Variants in SGCB observed in about 807,000 individuals in gnomAD.
SGCB encodes beta-sarcoglycan.
In SGCB, 25 loss-of-function variants were observed where a neutral mutation model predicts 27.3. The ratio of observed to expected loss-of-function variants is 0.92; its 90% CI spans 0.67 to 1.28. SGCB has a LOEUF of 1.28. SGCB is among the 50% of genes most tolerant of loss of function. The pLI, the probability that SGCB is intolerant of heterozygous loss-of-function variation, is 0.00. For synonymous variants in SGCB, 147 were observed against 133.5 expected (o/e 1.10, Z -0.70); for missense variants, 436 against 402.1 (o/e 1.08, Z -0.72).
chr4:52,038,183 C>T, intron 1 of SGCB, 44 bp downstream of exon 1: 2 of 1,198,610 alleles, frequency 1.7e-6, no homozygotes, highest in Non-Finnish European at 2.1e-6. Context: ...AGGACGCGGC[C>T]TCCCCCGCTC....
chr4:52,032,048 C>T (rs1165737035), intron 2 of SGCB: 10 of 439,524 alleles, frequency 2.3e-5, no homozygotes, highest in Non-Finnish European at 4.1e-5. Flanking sequence ...AACCCAACCC[C>T]TACCCTCCAG....
chr4:52,024,752 C>T (rs1444252734), intron 5 of SGCB, among the ~76,000 whole-genome samples: 4 of 145,370 alleles, frequency 2.8e-5, no homozygotes, highest in South Asian at 2.2e-4. Flanking sequence ...GGCGTGAACC[C>T]GGGAGGCGGA....
In SGCB at chr4:52,022,040, T is replaced by C. The variant is rs1183038320; in HGVS notation, c.*1917A>G. On this transcript the variant is annotated 3_prime_UTR_variant, in exon 6 of 6. Coordinates refer to ENST00000381431, the MANE Select transcript of SGCB (RefSeq NM_000232.5). ...AAATAGAGCAGATAAGTAATGAATA[T>C]GCAATTTAATTTATGGACCATCTGA... The C allele has an allele frequency of 3.9e-5, 6 of 152,226 alleles. No individual in the cohort carries two copies. Among genetic ancestry groups the C allele is most frequent in the East Asian group, 3.8e-4 (2 of 5,204 alleles). The allele number at this position is 152,226 out of a possible 1,614,324, so 9.4% of individuals were successfully genotyped here. A position where few individuals can be genotyped will look rare whatever the true frequency, so the allele number is the denominator to read the frequency against.
At chr4:52,034,694 G>C (rs966262073) in intron 1 of SGCB, among the ~76,000 whole-genome samples, 24 of 150,756 alleles carry the variant, frequency 1.6e-4, no homozygotes, top group African/African-American at 5.8e-4. Context: ...GACATAGTTT[G>C]TTACTTATAA....
chr4:52,024,500 G>GTACTGA (rs1737035018), intron 5 of SGCB, among the ~76,000 whole-genome samples: 1 of 152,012 alleles, frequency 6.6e-6, no homozygotes, highest in African/African-American at 2.4e-5. Flanking sequence ...TATAACAAAG[G>GTACTGA]TACTGATTGG....
chr4:52,026,319 C>A (rs1251426812), intron 5 of SGCB, among the ~76,000 whole-genome samples: 1 of 125,328 alleles, frequency 8.0e-6, no homozygotes, highest in African/African-American at 3.1e-5. Flanking sequence ...AGTGCAGTGG[C>A]GCGATCTGGG....
At chr4:52,037,163 G>T (rs1004231002) in intron 1 of SGCB, among the ~76,000 whole-genome samples, 1 of 152,168 alleles carries the variant, frequency 6.6e-6, no homozygotes, top group Non-Finnish European at 1.5e-5. Context: ...AAGAAGTTTT[G>T]TCTCCTTTCA....
intron 5 of SGCB, among the ~76,000 whole-genome samples, 176 bp from the exon 6 acceptor site, chr4:52,024,336 ACTT>A (rs1035641670): frequency 2.0e-5 from 3 of 152,186 alleles, no homozygotes; most frequent in African/African-American, 7.2e-5. Context: ...TCAATGAGTG[ACTT>A]CTTCACTTCA....
rs759466020 is a variant in SGCB, at chr4:52,024,009, C to A, written c.905G>T (p.Ser302Ile). The A allele has an allele frequency of 6.2e-7, 1 of 1,614,190 alleles. No homozygotes were observed. The highest frequency in any genetic ancestry group is 8.5e-7 in the Non-Finnish European group (1 of 1,180,026). Reference protein sequence around the residue: ...DGTLFKVQVTSQNMGCQISDN... With the variant: ...DGTLFKVQVTIQNMGCQISDN... ...TGAGATTTGGCAGCCCATGTTCTGG[C>A]TGGTTACTTGCACCTTGAAGAGCGT... The change falls in exon 6 of 6, where the codon AGC becomes ATC. Residue 302 changes from serine to isoleucine, a missense_variant. Physicochemically the swap from Ser to Ile is moderately radical, Grantham distance 142 (BLOSUM62 -2). Coordinates refer to ENST00000381431, the MANE Select transcript of SGCB (RefSeq NM_000232.5).
chr4:52,038,289 C>G lies in SGCB; in HGVS notation c.-30G>C, dbSNP rs886059441. 8 of 1,286,926 alleles carry G rather than the reference C, an allele frequency of 6.2e-6. No homozygotes were observed. In the East Asian group the frequency reaches 2.6e-4, roughly 42 times the overall value. 79.7% of individuals were successfully genotyped at this position (1,286,926 alleles called of 1,614,324 possible). Reference sequence around the variant, plus strand: ...CCGCGCCCGCCGCCGCCGAGCTCCCCGCCCGACTGTGCCCGCCCCTCCGCG... The same window carrying G: ...CCGCGCCCGCCGCCGCCGAGCTCCCGGCCCGACTGTGCCCGCCCCTCCGCG... On this transcript the variant is annotated 5_prime_UTR_variant, in exon 1 of 6. Coordinates refer to ENST00000381431, the MANE Select transcript of SGCB (RefSeq NM_000232.5).
chr4:52,030,256 AAT>A (rs1180159901), intron 2 of SGCB, among the ~76,000 whole-genome samples: 4 of 152,034 alleles, frequency 2.6e-5, no homozygotes, highest in Admixed American at 6.5e-5. Context: ...ATTTCTTCTA[AAT>A]ATGTTATTTC....
Position 52,022,435 on chromosome 4 carries a change from G to C in SGCB, c.*1522C>G, listed in dbSNP as rs1467829808. The C allele has an allele frequency of 6.6e-6, 1 of 152,166 alleles. No individual in the cohort carries two copies. The highest frequency in any genetic ancestry group is 1.5e-5 in the Non-Finnish European group (1 of 68,030). 9.4% of individuals were successfully genotyped at this position (152,166 alleles called of 1,614,324 possible). ...TATTTTACAGCAAACTCCTTTGGGG[G>C]CCCTGTCCCTGATTCTGTGTGAGTC... On this transcript the variant is annotated 3_prime_UTR_variant, in exon 6 of 6. Transcript: ENST00000381431.
chr4:52,037,732 A>C (rs1370947873), intron 1 of SGCB, among the ~76,000 whole-genome samples: 1 of 152,194 alleles, frequency 6.6e-6, no homozygotes, highest in African/African-American at 2.4e-5. Context: ...CAAAAACCAA[A>C]GCGTGAGGGG....
chr4:52,028,943 G>C, intron 3 of SGCB, 22 bp from the exon 4 acceptor site: 1 of 1,578,352 alleles, frequency 6.3e-7, no homozygotes, highest in Non-Finnish European at 8.7e-7. Context: ...ACAGTTTATT[G>C]TGAATATATT....
At position 52,026,699 on chromosome 4, in the gene SGCB, T is replaced by C. The variant is rs180743223; in HGVS notation, c.753+1269A>G. 4.6e-4 allele frequency among the ~76,000 whole-genome samples: 70 copies of C among 152,354 alleles called. No homozygotes were observed. In the East Asian group the frequency reaches 7.7e-3, roughly 17 times the overall value. On this transcript the variant is annotated intron_variant, in intron 5 of 5. Transcript: ENST00000381431. ...TTATCTTTTTAATACTAGGTTATTTTCCTTTAACAGTAGAGAAACTGATAT... is the reference window on the plus strand; with the variant it reads ...TTATCTTTTTAATACTAGGTTATTTCCCTTTAACAGTAGAGAAACTGATAT...
At position 52,033,749 on chromosome 4, in the gene SGCB, A is replaced by C. The variant is rs988555524; in HGVS notation, c.34-109T>G. On this transcript the variant is annotated intron_variant, in intron 1 of 5. Coordinates refer to ENST00000381431, the MANE Select transcript of SGCB (RefSeq NM_000232.5). ...AGCAAGCTGAATTGGTTACTGACACATTTTCCATGAATAAACTGCAAATCA... is the reference window on the plus strand; with the variant it reads ...AGCAAGCTGAATTGGTTACTGACACCTTTTCCATGAATAAACTGCAAATCA... 37 of 812,722 alleles carry C rather than the reference A, an allele frequency of 4.6e-5. No individual in the cohort carries two copies. In the Admixed American group the frequency reaches 4.6e-4, roughly 10 times the overall value. 50.3% of individuals were successfully genotyped at this position (812,722 alleles called of 1,614,324 possible).
chr4:52,028,922 C>T lies in SGCB; in HGVS notation c.430-1G>A. 6.2e-7 allele frequency: 1 copy of T among 1,610,504 alleles called. No individual in the cohort carries two copies. The highest frequency in any genetic ancestry group is 8.5e-7 in the Non-Finnish European group (1 of 1,177,092). On this transcript the variant is annotated splice_acceptor_variant, in intron 3 of 5. Coordinates refer to ENST00000381431, the MANE Select transcript of SGCB (RefSeq NM_000232.5). LOFTEE classifies it high-confidence loss of function. Reference sequence around the variant, plus strand: ...TTGTTGTCCCTTGCTGAAAAACAATCTTCAAAAAAAACAGTTTATTGTGAA... The same window carrying T: ...TTGTTGTCCCTTGCTGAAAAACAATTTTCAAAAAAAACAGTTTATTGTGAA...
rs1293503904 is a variant in SGCB at position 52,024,175 on chromosome 4, G to A, written c.754-15C>T. On this transcript the variant is annotated splice_polypyrimidine_tract_variant and intron_variant, in intron 5 of 5. Transcript: ENST00000381431. Reference sequence around the variant, plus strand: ...ATACTGTTTTCCTATTAGGAGAATAGTAATATGATTTATTTACCTCCATGA... The same window carrying A: ...ATACTGTTTTCCTATTAGGAGAATAATAATATGATTTATTTACCTCCATGA... The A allele has an allele frequency of 1.2e-6, 2 of 1,601,150 alleles. No individual in the cohort carries two copies. The highest frequency in any genetic ancestry group is 2.7e-5 in the African/African-American group (2 of 74,626).
chr4:52,023,204 C>G lies in SGCB; in HGVS notation c.*753G>C, dbSNP rs1236030878. On this transcript the variant is annotated 3_prime_UTR_variant, in exon 6 of 6. Coordinates refer to ENST00000381431, the MANE Select transcript of SGCB (RefSeq NM_000232.5). Reference sequence around the variant, plus strand: ...ATGGGTAAAACTTGGATAATACCACCTACTTGCAGGGTTGTGGTGAGAATT... The same window carrying G: ...ATGGGTAAAACTTGGATAATACCACGTACTTGCAGGGTTGTGGTGAGAATT... 1 of 152,090 alleles carries G rather than the reference C, an allele frequency of 6.6e-6. No individual in the cohort carries two copies. The highest frequency in any genetic ancestry group is 2.4e-5 in the African/African-American group (1 of 41,394). The allele number at this position is 152,090 out of a possible 1,614,324, so 9.4% of individuals were successfully genotyped here.
Sources: gnomAD v4.1 joint callset for allele counts (sites outside exome capture counted in the v4.1 genomes callset) on GRCh38, gnomAD v4.1.1 for gene constraint, MANE v1.5 for transcripts, NCBI Gene and HGNC (gene_info 2026-07-23, HGNC 2026-07-21) for gene names.